The following PCDH18 variants were observed in gnomAD, a reference collection of about 807,000 sequenced individuals.
PCDH18 encodes protocadherin-18.
In PCDH18, 38 loss-of-function variants were observed where a neutral mutation model predicts 71.5. The observed-to-expected ratio is 0.53, with a 90% CI of 0.41 to 0.70. The LOEUF is 0.70. Ranked by LOEUF, PCDH18 falls within the 30% of genes least tolerant of loss-of-function variation. The pLI, the probability that PCDH18 is intolerant of heterozygous loss-of-function variation, is 0.00. For synonymous variants in PCDH18, 565 were observed against 505.4 expected, an observed-to-expected ratio of 1.12 and a Z score of -1.58; for missense variants, 1,334 against 1,384.6, an observed-to-expected ratio of 0.96 and a Z score of 0.58.
rs760297318 is a variant in PCDH18 at position 137,529,582 on chromosome 4, G to A, written c.2487+20C>T. On this transcript the variant is annotated intron_variant, in intron 1 of 3. Coordinates refer to ENST00000344876, the MANE Select transcript of PCDH18 (RefSeq NM_019035.5). ...CTAACACCTAACATTGCAATGAATT[G>A]ATGCGGTTTATGATCTTACCTCAAC... 1 of 1,516,292 alleles carries A rather than the reference G, an allele frequency of 6.6e-7. No individual in the cohort carries two copies. The highest frequency in any genetic ancestry group is 1.2e-5 in the South Asian group (1 of 81,406). The allele number at this position is 1,516,292 out of a possible 1,614,324, so 93.9% of individuals were successfully genotyped here. A position where few individuals can be genotyped will look rare whatever the true frequency, so the allele number is the denominator to read the frequency against.
intron 3 of PCDH18, among the ~76,000 whole-genome samples, chr4:137,526,906 G>A (rs1731479662): frequency 6.7e-6 from 1 of 148,802 alleles, no homozygotes. Context: ...TGTACAAACT[G>A]CCTGATTTGA....
Position 137,520,282 on chromosome 4 carries a change from A to C in PCDH18, c.*747T>G, listed in dbSNP as rs2149211072. 1 of 152,466 alleles carries C rather than the reference A, an allele frequency of 6.6e-6. No homozygotes were observed. The highest frequency in any genetic ancestry group is 1.9e-4 in the East Asian group (1 of 5,178). The allele number at this position is 152,466 out of a possible 1,614,324, so 9.4% of individuals were successfully genotyped here. ...TTTATTGTTTACCATAATTATAAGTAGATAATAATATTGTGAGAGAAATAT... is the reference window on the plus strand; with the variant it reads ...TTTATTGTTTACCATAATTATAAGTCGATAATAATATTGTGAGAGAAATAT... On this transcript the variant is annotated 3_prime_UTR_variant, in exon 4 of 4. Transcript: ENST00000344876.
intron 3 of PCDH18, among the ~76,000 whole-genome samples, chr4:137,524,105 C>G (rs1336612319): frequency 6.6e-6 from 1 of 152,086 alleles, no homozygotes; most frequent in Non-Finnish European, 1.5e-5. Flanking sequence ...GTTAGCAGGG[C>G]TTGTTGACAA....
chr4:137,530,047 T>C lies in PCDH18; in HGVS notation c.2042A>G (p.Glu681Gly). The C allele has an allele frequency of 6.2e-7, 1 of 1,614,096 alleles. No homozygotes were observed. Among genetic ancestry groups the C allele is most frequent in the East Asian group, 2.2e-5 (1 of 44,880 alleles). The part of the protein sequence containing the change: ...LLKCMIFEYA[E>G]SVTSTAMTSV... The stretch of plus-strand genomic sequence containing the variant: ...AGTCATTGCTGTACTTGTCACCGAC[T>C]CTGCATATTCAAAGATCATGCACTT... The change falls in exon 1 of 4, where the codon GAG (glutamate) becomes GGG (glycine). Residue 681 changes from glutamate to glycine, a missense_variant. By Grantham distance (98) the Glu-to-Gly change is moderately conservative. Transcript: ENST00000344876.
rs1050659023 is a variant in PCDH18, at chr4:137,520,913, A to G, written c.*116T>C. 3.9e-5 allele frequency: 26 copies of G among 662,862 alleles called. No homozygotes were observed. Among genetic ancestry groups the G allele is most frequent in the Middle Eastern group, 2.7e-4 (1 of 3,662 alleles). 41.1% of individuals were successfully genotyped at this position (662,862 alleles called of 1,614,324 possible). A position where few individuals can be genotyped will look rare whatever the true frequency, so the allele number is the denominator to read the frequency against. ...AGTATTTAATATTCAATATACACAG[A>G]CACATTTATGATAAATGCAACTATT... On this transcript the variant is annotated 3_prime_UTR_variant, in exon 4 of 4. Transcript: ENST00000344876.
Position 137,521,283 on chromosome 4 carries a change from C to A in PCDH18, c.3154G>T (p.Gly1052Trp), listed in dbSNP as rs148983038. The A allele has an allele frequency of 1.9e-5, 30 of 1,614,026 alleles. No individual in the cohort carries two copies. Among genetic ancestry groups the A allele is most frequent in the Admixed American group, 5.0e-5 (3 of 60,006 alleles). The change falls in exon 4 of 4, where the codon GGG (glycine) becomes TGG (tryptophan). Residue 1052 changes from glycine (G) to tryptophan (W), a missense_variant. Physicochemically the swap from Gly to Trp is radical, Grantham distance 184. Transcript: ENST00000344876. ...GTACTGGCTGCCCATGCCGCTACCC[C>A]CTGTGGGTAACCCACAGTTTTGGCT... ...LPAKTVGYPQ[G>W]VAAWAASTHF...
rs1328837666 is a variant in PCDH18, at chr4:137,528,821, C to T, written c.2488-1G>A. 6.2e-7 allele frequency: 1 copy of T among 1,607,454 alleles called. No homozygotes were observed. Among genetic ancestry groups the T allele is most frequent in the Non-Finnish European group, 8.5e-7 (1 of 1,174,458 alleles). ...GCATTGAAAGAAGCTGAGAGACCTG[C>T]TGGAAACCAAATAGACAGAACTGAT... On this transcript the variant is annotated splice_acceptor_variant, in intron 1 of 3. Coordinates refer to ENST00000344876, the MANE Select transcript of PCDH18 (RefSeq NM_019035.5). LOFTEE classifies it high-confidence loss of function.
At position 137,526,979 on chromosome 4, in the gene PCDH18, A is replaced by AT. The variant is rs1229868298; in HGVS notation, c.2740+1498_2740+1499insA. Among the ~76,000 whole-genome samples, 4 of 150,614 alleles carry AT rather than the reference A, an allele frequency of 2.7e-5. No homozygotes were observed. In the East Asian group the frequency reaches 5.8e-4, roughly 22 times the overall value. On this transcript the variant is annotated intron_variant, in intron 3 of 3. Coordinates refer to ENST00000344876, the MANE Select transcript of PCDH18 (RefSeq NM_019035.5). ...ATCTTAAAAAAAAAAAAAAAAAAAA[A>AT]ATAGAAGCCTGTTACTACTGTCACT...
In PCDH18 at chr4:137,530,865, C is replaced by G. The variant is rs141359488; in HGVS notation, c.1224G>C (p.Gln408His). Residue 408 changes from glutamine to histidine, a missense_variant, in exon 1 of 4, where the codon CAG becomes CAC. This residue lies in a region of PCDH18 where 1,011 missense variants were observed against 1,048.0 expected (regional missense o/e 0.96). Transcript: ENST00000344876. ...KLHGHGHFKL[Q>H]KTYENNYLIL... ...TTAAATAATTGTTTTCATATGTCTTCTGAAGTTTAAAGTGACCATGTCCAT... is the reference window on the plus strand; with the variant it reads ...TTAAATAATTGTTTTCATATGTCTTGTGAAGTTTAAAGTGACCATGTCCAT... The G allele has an allele frequency of 7.5e-6, 12 of 1,610,662 alleles. No individual in the cohort carries two copies. Among genetic ancestry groups the G allele is most frequent in the Admixed American group, 1.7e-5 (1 of 59,436 alleles).
At chr4:137,523,058 G>A (rs1731346487) in intron 3 of PCDH18, among the ~76,000 whole-genome samples, 1 of 152,020 alleles carries the variant, frequency 6.6e-6, no homozygotes, top group African/African-American at 2.4e-5. Context: ...ATGAAAAGGA[G>A]GATAATTTGA....
rs780694514 is a variant in PCDH18 at position 137,530,903 on chromosome 4, C to T, written c.1186G>A (p.Val396Ile). Residue 396 changes from valine (V) to isoleucine (I), a missense_variant, in exon 1 of 4, where the codon GTT becomes ATT. Val to Ile is a conservative substitution (Grantham distance 29). This residue lies in a region of PCDH18 where 1,011 missense variants were observed against 1,048.0 expected (regional missense o/e 0.96). Coordinates refer to ENST00000344876, the MANE Select transcript of PCDH18 (RefSeq NM_019035.5). ...TGACCATGTCCATGAAGCTTACAAA[C>T]TATTTCTCCATTCAGCCCAGAATCC... ...DKDSGLNGEI[V>I]CKLHGHGHFK... 3 of 1,613,070 alleles carry T rather than the reference C, an allele frequency of 1.9e-6. No homozygotes were observed. The Admixed American group carries it at 5.0e-5, about 27-fold the overall frequency.
rs190367774 is a variant in PCDH18 at position 137,530,118 on chromosome 4, G to A, written c.1971C>T (p.Ile657=). The A allele has an allele frequency of 2.7e-5, 43 of 1,613,232 alleles. No homozygotes were observed. Among genetic ancestry groups the A allele is most frequent in the Admixed American group, 1.8e-4 (11 of 59,992 alleles). ...VPYTEWELSV[I]IQDKGNPQLH... is the part of the protein sequence containing the mutation. ...GCTGAGGATTGCCTTTGTCCTGAAT[G>A]ATAACTGACAGCTCCCATTCTGTGT... Residue 657 remains isoleucine, a synonymous_variant, in exon 1 of 4, where the codon ATC becomes ATT. Transcript: ENST00000344876.
chr4:137,526,317 C>G (rs1459332565), intron 3 of PCDH18, among the ~76,000 whole-genome samples: 1 of 151,894 alleles, frequency 6.6e-6, no homozygotes, highest in East Asian at 1.9e-4. Context: ...TTATACAAAT[C>G]TAAAAATATA....
Position 137,531,385 on chromosome 4 carries a change from C to T in PCDH18, c.704G>A (p.Ser235Asn). The T allele has an allele frequency of 1.2e-6, 2 of 1,612,890 alleles. No individual in the cohort carries two copies. Among genetic ancestry groups the T allele is most frequent in the Non-Finnish European group, 1.7e-6 (2 of 1,179,490 alleles). Residue 235 changes from serine (S) to asparagine (N), a missense_variant, in exon 1 of 4, where the codon AGC (serine) becomes AAC (asparagine). Coordinates refer to ENST00000344876, the MANE Select transcript of PCDH18 (RefSeq NM_019035.5). Reference protein sequence around the residue: ...QRSGSSILKISISDSNDNSPA... With the variant: ...QRSGSSILKINISDSNDNSPA... Reference sequence around the variant, plus strand: ...GCTGTTGTCATTGGAGTCTGAAATGCTTATTTTTAGTATGGATGAGCCAGA... The same window carrying T: ...GCTGTTGTCATTGGAGTCTGAAATGTTTATTTTTAGTATGGATGAGCCAGA...
chr4:137,524,196 G>T (rs2149212834), intron 3 of PCDH18, among the ~76,000 whole-genome samples: 1 of 152,272 alleles, frequency 6.6e-6, no homozygotes, highest in East Asian at 1.9e-4. Context: ...GGGGGACCAT[G>T]GTGAAAGGAG....
chr4:137,529,925 T>G lies in PCDH18; in HGVS notation c.2164A>C (p.Thr722Pro). ...TCTTTCTTCTCGCGGTTACACCTAGTTGCAAATAGCACCATAATAACCAGC... is the reference window on the plus strand; with the variant it reads ...TCTTTCTTCTCGCGGTTACACCTAGGTGCAAATAGCACCATAATAACCAGC... ...VLLVIMVLFA[T>P]RCNREKKDTR... Residue 722 changes from threonine (T) to proline (P), a missense_variant, in exon 1 of 4, where the codon ACT (threonine) becomes CCT (proline). Thr to Pro is a conservative substitution (Grantham distance 38). Around this residue, in one of 3 missense-constraint regions of PCDH18, gnomAD observed 1,011 missense variants for 1,048.0 expected, o/e 0.96. Transcript: ENST00000344876. 1 of 1,614,016 alleles carries G rather than the reference T, an allele frequency of 6.2e-7. No homozygotes were observed. Among genetic ancestry groups the G allele is most frequent in the South Asian group, 1.1e-5 (1 of 91,070 alleles).
chr4:137,528,674 T>A (rs1731550862), intron 2 of PCDH18, 33 bp from the exon 3 acceptor site: 1 of 1,610,230 alleles, frequency 6.2e-7, no homozygotes. Context: ...AAAATTACAG[T>A]TTTTACTCTT....
chr4:137,530,285 T>C lies in PCDH18; in HGVS notation c.1804A>G (p.Arg602Gly). 1 of 1,613,972 alleles carries C rather than the reference T, an allele frequency of 6.2e-7. No homozygotes were observed. Among genetic ancestry groups the C allele is most frequent in the Non-Finnish European group, 8.5e-7 (1 of 1,179,918 alleles). Residue 602 changes from arginine to glycine, a missense_variant, in exon 1 of 4, where the codon AGA becomes GGA. Physicochemically the swap from Arg to Gly is moderately radical, Grantham distance 125. Transcript: ENST00000344876. ...KGAESGFHVTRIRAIDRDSGV... is the reference protein window; with the variant it reads ...KGAESGFHVTGIRAIDRDSGV... ...GAGTCTCTGTCAATTGCCCTTATTC[T>C]TGTGACATGAAAGCCACTTTCAGCC...
rs1459212390 is a variant in PCDH18 at position 137,530,935 on chromosome 4, T to G, written c.1154A>C (p.Gln385Pro). 1 of 1,613,866 alleles carries G rather than the reference T, an allele frequency of 6.2e-7. No individual in the cohort carries two copies. Among genetic ancestry groups the G allele is most frequent in the Non-Finnish European group, 8.5e-7 (1 of 1,179,832 alleles). ...IDTFVALVRV[Q>P]DKDSGLNGEI... ...TCCATTCAGCCCAGAATCCTTGTCC[T>G]GAACTCTGACCAAAGCAACAAATGT... The change falls in exon 1 of 4, where the codon CAG becomes CCG. Residue 385 changes from glutamine to proline, a missense_variant. This residue lies in a region of PCDH18 where 1,011 missense variants were observed against 1,048.0 expected (regional missense o/e 0.96). Transcript: ENST00000344876.
Sources: gnomAD v4.1 joint callset for allele counts (sites outside exome capture counted in the v4.1 genomes callset) on GRCh38, gnomAD v4.1.1 for gene constraint, gnomAD v4.1.1 regional missense constraint, MANE v1.5 for transcripts, NCBI Gene and HGNC (gene_info 2026-07-23, HGNC 2026-07-21) for gene names.